APBB2: variants seen among roughly 807,000 people sequenced by gnomAD.
The protein encoded by APBB2 is amyloid beta precursor protein binding family B member 2.
Under a neutral mutation model 82.5 loss-of-function variants are expected in APBB2, and 38 were observed. The observed-to-expected ratio is 0.46, with a 90% confidence interval of 0.36 to 0.60. The LOEUF is 0.60. Ranked by LOEUF, APBB2 falls within the 20% of genes least tolerant of loss-of-function variation. APBB2 has a pLI of 0.00. For missense variants in APBB2, 772 were observed against 972.3 expected, an observed-to-expected ratio of 0.79 and a Z score of 2.74; for synonymous variants, 341 against 368.2, an observed-to-expected ratio of 0.93 and a Z score of 0.85.
intron 1 of APBB2, chr4:41,194,225 G>A: frequency 6.6e-6 from 1 of 152,228 alleles, no homozygotes; most frequent in African/African-American, 2.4e-5. Context: ...CGGGGGCTGA[G>A]GCAGGAAGAC....
At chr4:40,833,693 T>A (rs1433362408) in intron 12 of APBB2, among the ~76,000 whole-genome samples, 2 of 152,142 alleles carry the variant, frequency 1.3e-5, no homozygotes, top group African/African-American at 4.8e-5. Flanking sequence ...CACTTAGCTA[T>A]ACAACCCTGG....
chr4:41,202,365 G>C (rs1043188459), intron 1 of APBB2, among the ~76,000 whole-genome samples: 1 of 152,040 alleles, frequency 6.6e-6, no homozygotes, highest in Non-Finnish European at 1.5e-5. Flanking sequence ...GTTCTCTTTT[G>C]TTCCCAATTA....
In APBB2 at chr4:41,107,928, G is replaced by A. The variant is rs562393323; in HGVS notation, c.-260-7178C>T. ...GTTGACTCATCCTGGATTGGGAGGC[G>A]GGTATAAAAGACAGTATTAGGGTAA... On this transcript the variant is annotated intron_variant, in intron 2 of 17. Transcript: ENST00000508593. Among the ~76,000 whole-genome samples the A allele has an allele frequency of 7.3e-4, 111 of 152,216 alleles. 1 individual carries two copies. The highest frequency in any genetic ancestry group is 1.2e-3 in the South Asian group (6 of 4,824).
In APBB2 at chr4:40,964,964, T is replaced by C. The variant is rs182016122; in HGVS notation, c.836-19891A>G. 2.2e-3 allele frequency among the ~76,000 whole-genome samples: 337 copies of C among 151,796 alleles called. 1 individual carries two copies. Among genetic ancestry groups the C allele is most frequent in the South Asian group, 8.4e-3 (40 of 4,788 alleles). On this transcript the variant is annotated intron_variant, in intron 6 of 17. Coordinates refer to ENST00000508593, the MANE Select transcript of APBB2 (RefSeq NM_004307.2). ...TGAAACCCCGTCTCTACTAAAAATA[T>C]AAAAAATTAGCTGGGCGTGGTGGCA...
At chr4:41,213,941 G>A (rs1779982120) in intron 1 of APBB2, among the ~76,000 whole-genome samples, 1 of 152,218 alleles carries the variant, frequency 6.6e-6, no homozygotes, top group Non-Finnish European at 1.5e-5. Flanking sequence ...GCGGAGGCCG[G>A]TGCCAGGACA....
chr4:41,044,397 C>T (rs1271908186), intron 4 of APBB2, among the ~76,000 whole-genome samples: 1 of 152,176 alleles, frequency 6.6e-6, no homozygotes, highest in South Asian at 2.1e-4. Context: ...GTCATTCTGA[C>T]ATGCCCTAAT....
At chr4:41,043,608 T>A (rs1447590651) in intron 4 of APBB2, among the ~76,000 whole-genome samples, 1 of 152,172 alleles carries the variant, frequency 6.6e-6, no homozygotes, top group African/African-American at 2.4e-5. Context: ...ATAACTACCA[T>A]CTTAATCAAA....
intron 12 of APBB2, among the ~76,000 whole-genome samples, chr4:40,889,407 TAA>T (rs1771322426): frequency 6.6e-6 from 1 of 152,164 alleles, no homozygotes. Flanking sequence ...CATGACTCAA[TAA>T]AAAAGCAGAA....
intron 12 of APBB2, among the ~76,000 whole-genome samples, chr4:40,890,026 T>C (rs1379283537): frequency 2.0e-5 from 3 of 152,100 alleles, no homozygotes; most frequent in African/African-American, 7.2e-5. Context: ...ATGGAATTCA[T>C]TTTAAAAAGA....
At chr4:40,923,593 T>TCTGGTGCCATCAGGATGGCGG (rs1442078223) in intron 10 of APBB2, among the ~76,000 whole-genome samples, 1 of 152,210 alleles carries the variant, frequency 6.6e-6, no homozygotes, top group Non-Finnish European at 1.5e-5. Flanking sequence ...CACCTGCCGC[T>TCTGGTGCCATCAGGATGGCGG]CTGGTGCCAT....
chr4:40,968,977 G>A (rs546713806), intron 6 of APBB2, among the ~76,000 whole-genome samples: 4 of 152,238 alleles, frequency 2.6e-5, no homozygotes, highest in Admixed American at 2.0e-4. Context: ...GTTTTATAAG[G>A]GATTTCTCCT....
intron 6 of APBB2, among the ~76,000 whole-genome samples, chr4:40,961,171 A>G (rs1233716499): frequency 1.3e-5 from 2 of 152,110 alleles, no homozygotes; most frequent in African/African-American, 2.4e-5. Context: ...TTATTGTAAT[A>G]AGTCACAGTT....
chr4:40,949,354 C>T (rs1789420619), intron 6 of APBB2, among the ~76,000 whole-genome samples: 1 of 152,106 alleles, frequency 6.6e-6, no homozygotes, highest in African/African-American at 2.4e-5. Context: ...CAGCAGCACC[C>T]ATTTTGTCCG....
intron 2 of APBB2, among the ~76,000 whole-genome samples, chr4:41,132,166 A>C (rs943705184): frequency 6.6e-6 from 1 of 152,198 alleles, no homozygotes; most frequent in Non-Finnish European, 1.5e-5. Context: ...ATTGTAAAAA[A>C]AAATTTCCAT....
At chr4:40,870,416 C>T (rs747168407) in intron 12 of APBB2, among the ~76,000 whole-genome samples, 1 of 152,214 alleles carries the variant, frequency 6.6e-6, no homozygotes, top group African/African-American at 2.4e-5. Flanking sequence ...TCCATCTCTA[C>T]ACAAGAGGGC....
intron 10 of APBB2, among the ~76,000 whole-genome samples, chr4:40,930,873 G>A (rs1194630185): frequency 6.6e-6 from 1 of 152,080 alleles, no homozygotes; most frequent in Non-Finnish European, 1.5e-5. Context: ...TCAGCCTCCT[G>A]AGTACCTGGG....
intron 1 of APBB2, among the ~76,000 whole-genome samples, chr4:41,212,077 T>C (rs1779470105): frequency 6.6e-6 from 1 of 152,238 alleles, no homozygotes; most frequent in African/African-American, 2.4e-5. Context: ...TCTAATATTA[T>C]GACAAGGCTT....
chr4:41,041,979 T>C (rs1266045742), intron 4 of APBB2, among the ~76,000 whole-genome samples: 2 of 152,156 alleles, frequency 1.3e-5, no homozygotes, highest in East Asian at 1.9e-4. Context: ...CAAATATACC[T>C]GATCTCCAAC....
At chr4:40,863,847 T>C (rs1030420786) in intron 12 of APBB2, among the ~76,000 whole-genome samples, 2 of 119,730 alleles carry the variant, frequency 1.7e-5, no homozygotes, top group Non-Finnish European at 3.2e-5. Context: ...TGAGCTGAGA[T>C]CACACCACTG....
Sources: allele counts gnomAD v4.1 joint callset (sites outside exome capture counted in the v4.1 genomes callset), GRCh38; gene constraint gnomAD v4.1.1; transcripts MANE v1.5; gene names NCBI Gene and HGNC (gene_info 2026-07-23, HGNC 2026-07-21).